Variants in SKAP2 observed in about 807,000 individuals in gnomAD.
SKAP2 encodes src kinase associated phosphoprotein 2.
In SKAP2, 28 loss-of-function variants were observed where a neutral mutation model predicts 54.9. The observed-to-expected ratio is 0.51, with a 90% CI of 0.38 to 0.70. The LOEUF (loss-of-function observed/expected upper bound fraction) is 0.70, where lower values mean the gene tolerates loss of function less well. SKAP2 is among the 30% of genes least tolerant of loss of function. The pLI is 0.00. For missense variants in SKAP2, 356 were observed against 424.1 expected (o/e 0.84, Z 1.41); for synonymous variants, 137 against 134.3 (o/e 1.02, Z -0.14).
intron 4 of SKAP2, among the ~76,000 whole-genome samples, chr7:26,764,737 A>G (rs1208141583): frequency 2.6e-5 from 4 of 152,102 alleles, no homozygotes. Context: ...AATATTATCT[A>G]ACACGGGGTT....
the SKAP2 span, among the ~76,000 whole-genome samples, chr7:26,656,101 C>T: frequency 6.6e-6 from 1 of 152,206 alleles, no homozygotes; most frequent in African/African-American, 2.4e-5. Context: ...ACAAACCCAA[C>T]AGAATGAGCC....
At chr7:26,787,839 A>G (rs374603862) in intron 4 of SKAP2, among the ~76,000 whole-genome samples, 9 of 152,094 alleles carry the variant, frequency 5.9e-5, no homozygotes, top group African/African-American at 2.2e-4. Flanking sequence ...CCCCACCTCT[A>G]ACAGCGGGGA....
chr7:26,839,310 C>T (rs977921551), intron 4 of SKAP2, among the ~76,000 whole-genome samples: 5 of 151,928 alleles, frequency 3.3e-5, no homozygotes, highest in African/African-American at 1.2e-4. Context: ...AACTATAATC[C>T]CTTCTCTTCC....
At chr7:26,681,518 G>T (rs1005904310) in intron 11 of SKAP2, among the ~76,000 whole-genome samples, 2 of 152,090 alleles carry the variant, frequency 1.3e-5, no homozygotes, top group Admixed American at 6.6e-5. Context: ...TTCTTGTTTT[G>T]CCTAAATGTT....
At chr7:26,850,491 T>C (rs556577301) in intron 3 of SKAP2, among the ~76,000 whole-genome samples, 2 of 151,394 alleles carry the variant, frequency 1.3e-5, no homozygotes, top group East Asian at 3.9e-4. Context: ...AGGATCACCT[T>C]AGCCTCCCAA....
rs1029786838 is a variant in SKAP2, at chr7:26,669,311, A to G, written c.*355T>C. 6.6e-6 allele frequency: 1 copy of G among 152,174 alleles called. No individual in the cohort carries two copies. Among genetic ancestry groups the G allele is most frequent in the African/African-American group, 2.4e-5 (1 of 41,456 alleles). The allele number at this position is 152,174 out of a possible 1,614,324, so 9.4% of individuals were successfully genotyped here. ...TGTCCAATGATTAAGAAACATTACA[A>G]ATCACACCAGAAGTAGCAATAGTAG... On this transcript the variant is annotated 3_prime_UTR_variant, in exon 13 of 13. Coordinates refer to ENST00000345317, the MANE Select transcript of SKAP2 (RefSeq NM_003930.5).
At chr7:26,807,621 C>T (rs1296121385) in intron 4 of SKAP2, among the ~76,000 whole-genome samples, 4 of 152,166 alleles carry the variant, frequency 2.6e-5, no homozygotes, top group Admixed American at 2.6e-4. Context: ...ATACAGTCTC[C>T]AATTTTGAAA....
intron 4 of SKAP2, among the ~76,000 whole-genome samples, chr7:26,773,384 AT>A (rs538335935): frequency 9.8e-4 from 150 of 152,318 alleles, no homozygotes; most frequent in Non-Finnish European, 1.8e-3. Context: ...TTAAGTTAGC[AT>A]TTGCCTTAGG....
chr7:26,773,840 C>G (rs1395851747), intron 4 of SKAP2, among the ~76,000 whole-genome samples: 1 of 152,112 alleles, frequency 6.6e-6, no homozygotes, highest in Non-Finnish European at 1.5e-5. Flanking sequence ...AAGCTTAACA[C>G]ATAAACAGAA....
chr7:26,828,403 C>T (rs892827225), intron 4 of SKAP2, among the ~76,000 whole-genome samples: 5 of 151,918 alleles, frequency 3.3e-5, no homozygotes, highest in African/African-American at 4.8e-5. Context: ...CAAGGCCGGG[C>T]GCGGTGGCTA....
chr7:26,710,521 C>A (rs1278421715), intron 9 of SKAP2, among the ~76,000 whole-genome samples: 1 of 151,988 alleles, frequency 6.6e-6, no homozygotes, highest in Non-Finnish European at 1.5e-5. Context: ...TCTATAAAGA[C>A]AGAAGTGTAA....
chr7:26,815,394 T>C (rs903576119), intron 4 of SKAP2, among the ~76,000 whole-genome samples: 1 of 152,106 alleles, frequency 6.6e-6, no homozygotes, highest in Admixed American at 6.6e-5. Flanking sequence ...TTTAGGTGCA[T>C]TCTACTTTTT....
chr7:26,796,767 T>C (rs1258460884), intron 4 of SKAP2, among the ~76,000 whole-genome samples: 3 of 152,254 alleles, frequency 2.0e-5, no homozygotes, highest in Admixed American at 2.0e-4. Context: ...ATACAAAATA[T>C]GTGTTAATCA....
downstream of SKAP2, among the ~76,000 whole-genome samples, chr7:26,664,234 G>A (rs375929542): frequency 8.5e-4 from 130 of 152,200 alleles, 1 homozygote; most frequent in African/African-American, 2.9e-3. Flanking sequence ...TTTCCTAATC[G>A]GGAAAATGGT....
intron 4 of SKAP2, among the ~76,000 whole-genome samples, chr7:26,814,563 CAAAAAA>C (rs397889100): frequency 5.5e-5 from 5 of 90,198 alleles, no homozygotes; most frequent in Admixed American, 1.2e-4. Flanking sequence ...CTTACACCAG[CAAAAAA>C]AAAAAAAAAA....
At chr7:26,772,518 A>T (rs1415032174) in intron 4 of SKAP2, among the ~76,000 whole-genome samples, 1 of 152,216 alleles carries the variant, frequency 6.6e-6, no homozygotes, top group African/African-American at 2.4e-5. Flanking sequence ...TGCTTAGGAT[A>T]ATGGCCTCCA....
chr7:26,846,466 C>T (rs2127996526), intron 3 of SKAP2, among the ~76,000 whole-genome samples: 1 of 152,122 alleles, frequency 6.6e-6, no homozygotes, highest in South Asian at 2.1e-4. Flanking sequence ...TTTATATACA[C>T]ATACACACAA....
chr7:26,841,279 A>G (rs1784811659), intron 4 of SKAP2, among the ~76,000 whole-genome samples: 1 of 151,908 alleles, frequency 6.6e-6, no homozygotes. Context: ...ACAATAACCT[A>G]CAAGTGAACT....
At chr7:26,830,032 C>T (rs1029512161) in intron 4 of SKAP2, among the ~76,000 whole-genome samples, 2 of 152,098 alleles carry the variant, frequency 1.3e-5, no homozygotes, top group African/African-American at 4.8e-5. Flanking sequence ...AAAGGTGGCA[C>T]ATCCACACAG....
Sources: gnomAD v4.1 joint callset for allele counts (sites outside exome capture counted in the v4.1 genomes callset) on GRCh38, gnomAD v4.1.1 for gene constraint, MANE v1.5 for transcripts, NCBI Gene and HGNC (gene_info 2026-07-23, HGNC 2026-07-21) for gene names.